The following ANKHD1 variants were observed in gnomAD, a reference collection of about 807,000 sequenced individuals.
The protein encoded by ANKHD1 is ankyrin repeat and KH domain-containing protein 1.
In ANKHD1, 31 loss-of-function variants were observed where a neutral mutation model predicts 230.5. That is an observed-to-expected ratio of 0.13 (90% CI 0.10 to 0.18). ANKHD1 has a LOEUF of 0.18. ANKHD1 is among the 10% of genes least tolerant of loss of function. The pLI is 1.00. For synonymous variants in ANKHD1, 1,074 were observed against 1,117.6 expected (o/e 0.96, Z 0.78); for missense variants, 2,256 against 3,071.3 (o/e 0.73, Z 6.27).
chr5:140,470,177 C>A (rs576329428), intron 10 of ANKHD1, among the ~76,000 whole-genome samples: 1 of 151,956 alleles, frequency 6.6e-6, no homozygotes, highest in Non-Finnish European at 1.5e-5. Context: ...CTTTTTCTGT[C>A]TGGATTATCA....
intron 1 of ANKHD1, 79 bp downstream of exon 1, chr5:140,402,352 C>T: frequency 7.3e-7 from 1 of 1,377,166 alleles, no homozygotes; most frequent in Non-Finnish European, 9.3e-7. Flanking sequence ...CGGGGCCATC[C>T]TCCCGCTTCC....
rs5871734 is a variant in ANKHD1, at chr5:140,409,549, ATT to A, written c.306+7293_306+7294del. Among the ~76,000 whole-genome samples, 794 of 125,086 alleles carry A rather than the reference ATT, an allele frequency of 6.3e-3. 1 individual carries two copies. The highest frequency in any genetic ancestry group is 0.015 in the African/African-American group (488 of 33,386). The allele number at this position is 125,086 out of a possible 152,430, so 82.1% of individuals were successfully genotyped here. On this transcript the variant is annotated intron_variant, in intron 1 of 33. Transcript: ENST00000360839. ...AGAATTATATGTTATTACTGTAACA[ATT>A]TTTTTTTTTTTTTTTTGAGTCAGAG...
At position 140,524,239 on chromosome 5, in the gene ANKHD1, T is replaced by C. The variant is rs747045602; in HGVS notation, c.4491T>C (p.Asp1497=). Residue 1497 remains aspartate, a splice_region_variant and synonymous_variant, in exon 25 of 34, where the codon GAT becomes GAC. Transcript: ENST00000360839. ...AAGATGAAGAGGAGAATGATGAAGA[T>C]GGTGAGAAACAAACCATCTGAATTA... ...EDEDEEENDE[D]VEQEVPIEPP... is the part of the protein sequence containing the mutation. 9 of 1,565,264 alleles carry C rather than the reference T, an allele frequency of 5.7e-6. No individual in the cohort carries two copies. The highest frequency in any genetic ancestry group is 7.7e-6 in the Non-Finnish European group (9 of 1,166,840).
At chr5:140,417,876 G>A (rs1261355278) in intron 1 of ANKHD1, among the ~76,000 whole-genome samples, 2 of 130,158 alleles carry the variant, frequency 1.5e-5, no homozygotes, top group African/African-American at 5.9e-5. Flanking sequence ...TCGCTCTGTC[G>A]TCGCTCAGGC....
At position 140,528,871 on chromosome 5, in the gene ANKHD1, G is replaced by A; in HGVS notation, c.5925G>A (p.Val1975=). The A allele has an allele frequency of 6.2e-7, 1 of 1,614,116 alleles. No homozygotes were observed. The highest frequency in any genetic ancestry group is 1.1e-5 in the South Asian group (1 of 91,086). The change falls in exon 29 of 34, where the codon GTG becomes GTA. Residue 1975 remains valine (V), a synonymous_variant. Coordinates refer to ENST00000360839, the MANE Select transcript of ANKHD1 (RefSeq NM_017747.3). ...CVPKTSPPAT[V]ISSVTSTCSS... is the part of the protein sequence containing the mutation. Reference sequence around the variant, plus strand: ...CTAAGACAAGTCCTCCAGCAACAGTGATTTCTTCTGTGACAAGCACTTGTA... The same window carrying A: ...CTAAGACAAGTCCTCCAGCAACAGTAATTTCTTCTGTGACAAGCACTTGTA...
intron 6 of ANKHD1, among the ~76,000 whole-genome samples, chr5:140,446,304 C>T (rs1325293446): frequency 2.6e-5 from 4 of 151,866 alleles, no homozygotes; most frequent in Non-Finnish European, 4.4e-5. Context: ...TAGTACATGC[C>T]AAAGTAATAA....
chr5:140,539,597 GT>G lies in ANKHD1; in HGVS notation c.*182del. The G allele has an allele frequency of 1.5e-6, 1 of 678,106 alleles. No individual in the cohort carries two copies. The highest frequency in any genetic ancestry group is 2.3e-6 in the Non-Finnish European group (1 of 429,518). The allele number at this position is 678,106 out of a possible 1,614,324, so 42.0% of individuals were successfully genotyped here. Reference sequence around the variant, plus strand: ...TCCACCTGATTATGTTCTCTGGTTAGTTTAGCCATTTTGAACTTAAGATCAT... The same window carrying G: ...TCCACCTGATTATGTTCTCTGGTTAGTTAGCCATTTTGAACTTAAGATCAT... On this transcript the variant is annotated 3_prime_UTR_variant, in exon 34 of 34. Transcript: ENST00000360839.
chr5:140,458,083 G>T (rs1373094299), intron 7 of ANKHD1, among the ~76,000 whole-genome samples: 3 of 152,134 alleles, frequency 2.0e-5, no homozygotes, highest in Non-Finnish European at 4.4e-5. Flanking sequence ...GAAAAATATA[G>T]GATGGTGTCA....
chr5:140,485,832 TTC>T lies in ANKHD1; in HGVS notation c.2142+104_2142+105del. Reference sequence around the variant, plus strand: ...TTTAAGCAAAATGGACTTGTTTTTATTCTCTGTTACATATTGAGAAAATCATG... The same window carrying T: ...TTTAAGCAAAATGGACTTGTTTTTATTCTGTTACATATTGAGAAAATCATG... On this transcript the variant is annotated intron_variant, in intron 13 of 33. Coordinates refer to ENST00000360839, the MANE Select transcript of ANKHD1 (RefSeq NM_017747.3). The surrounding 1 kb of genome is among the most constrained non-coding windows in gnomAD (Gnocchi z 4.8). 1.3e-6 allele frequency: 2 copies of T among 1,494,544 alleles called. No homozygotes were observed. Among genetic ancestry groups the T allele is most frequent in the Non-Finnish European group, 1.8e-6 (2 of 1,108,594 alleles). The allele number at this position is 1,494,544 out of a possible 1,614,324, so 92.6% of individuals were successfully genotyped here.
chr5:140,503,222 CTGA>C (rs1377740393), intron 15 of ANKHD1, among the ~76,000 whole-genome samples: 1 of 152,088 alleles, frequency 6.6e-6, no homozygotes, highest in African/African-American at 2.4e-5. Context: ...ATTGCCATCA[CTGA>C]TGCTTTGTTG....
intron 7 of ANKHD1, among the ~76,000 whole-genome samples, chr5:140,450,666 A>G (rs774856227): frequency 1.3e-5 from 2 of 152,064 alleles, no homozygotes; most frequent in Non-Finnish European, 2.9e-5. Context: ...CAGCTTCCTG[A>G]GTACCTGAGA....
rs929783519 is a variant in ANKHD1, at chr5:140,507,234, G to T, written c.3551+257G>T. On this transcript the variant is annotated intron_variant, in intron 19 of 33. Coordinates refer to ENST00000360839, the MANE Select transcript of ANKHD1 (RefSeq NM_017747.3). The surrounding 1 kb of genome is among the most constrained non-coding windows in gnomAD (Gnocchi z 4.1). The stretch of plus-strand genomic sequence containing the variant: ...ACCCTAAACGTGCCCAATCTCATCT[G>T]ATCTCAGAAACGGTATTTTATTTTA... Among the ~76,000 whole-genome samples, 4 of 152,190 alleles carry T rather than the reference G, an allele frequency of 2.6e-5. No homozygotes were observed. Among genetic ancestry groups the T allele is most frequent in the Non-Finnish European group, 5.9e-5 (4 of 68,036 alleles).
rs201794387 is a variant in ANKHD1, at chr5:140,528,427, C to T, written c.5481C>T (p.Pro1827=). The change falls in exon 29 of 34, where the codon CCC becomes CCT. Residue 1827 remains proline (P), a synonymous_variant. Coordinates refer to ENST00000360839, the MANE Select transcript of ANKHD1 (RefSeq NM_017747.3). ...SQATTLSTFQ[P]ANKLNKNVPT... is the part of the protein sequence containing the mutation. ...CAACAACGTTATCTACGTTCCAGCCCGCTAATAAACTTAATAAGAATGTTC... is the reference window on the plus strand; with the variant it reads ...CAACAACGTTATCTACGTTCCAGCCTGCTAATAAACTTAATAAGAATGTTC... The T allele has an allele frequency of 7.2e-5, 116 of 1,614,106 alleles. No homozygotes were observed. The Middle Eastern group carries it at 1.3e-3, about 18-fold the overall frequency.
chr5:140,478,818 AT>A (rs1341861686), intron 10 of ANKHD1, among the ~76,000 whole-genome samples: 3 of 149,838 alleles, frequency 2.0e-5, no homozygotes, highest in Non-Finnish European at 4.5e-5. Context: ...CTAATTTTGT[AT>A]TTTTAGTAGA....
At chr5:140,491,156 A>ATTTTTTTTT (rs1339403637) in intron 14 of ANKHD1, among the ~76,000 whole-genome samples, 1 of 94,956 alleles carries the variant, frequency 1.1e-5, no homozygotes, top group Non-Finnish European at 2.0e-5. Flanking sequence ...ATATATATAT[A>ATTTTTTTTT]TATATTTTTT....
intron 5 of ANKHD1, among the ~76,000 whole-genome samples, chr5:140,442,036 T>TC (rs1773893413): frequency 7.3e-6 from 1 of 136,748 alleles, no homozygotes; most frequent in East Asian, 2.0e-4. Context: ...AGATATTCTT[T>TC]TTTTTTTTTT....
chr5:140,526,790 T>G lies in ANKHD1; in HGVS notation c.4941-138T>G, dbSNP rs76015534. 1,175 of 1,260,606 alleles carry G rather than the reference T, an allele frequency of 9.3e-4. 7 individuals carry two copies. The African/African-American group carries it at 0.016, about 17-fold the overall frequency. 78.1% of individuals were successfully genotyped at this position (1,260,606 alleles called of 1,614,324 possible). ...ATGGGTTCTTTGCTCTATTTCTGTT[T>G]TTCTGACTCATTGATTATTTGATGT... is the stretch of plus-strand genomic sequence containing the variant. On this transcript the variant is annotated intron_variant, in intron 26 of 33. Transcript: ENST00000360839.
chr5:140,509,543 AG>A, intron 20 of ANKHD1, 93 bp from the exon 21 acceptor site: 1 of 1,368,926 alleles, frequency 7.3e-7, no homozygotes, highest in Non-Finnish European at 9.5e-7. Context: ...TAATTGCCTC[AG>A]GTTTTTAAAG....
At chr5:140,453,088 C>A (rs1045602850) in intron 7 of ANKHD1, among the ~76,000 whole-genome samples, 1 of 152,022 alleles carries the variant, frequency 6.6e-6, no homozygotes, top group Non-Finnish European at 1.5e-5. Flanking sequence ...CCTCAGTAGC[C>A]GATTCGATCA....
Sources: gnomAD v4.1 joint callset for allele counts (sites outside exome capture counted in the v4.1 genomes callset) on GRCh38, gnomAD v4.1.1 for gene constraint, Gnocchi (gnomAD v3.1) non-coding constraint, MANE v1.5 for transcripts, NCBI Gene and HGNC (gene_info 2026-07-23, HGNC 2026-07-21) for gene names.